PCDH15: variants seen among roughly 807,000 people sequenced by gnomAD.
The protein encoded by PCDH15 is protocadherin related 15, also known as protocadherin-15.
In PCDH15, 129 loss-of-function variants were observed where a neutral mutation model predicts 178.5. The ratio of observed to expected loss-of-function variants is 0.72; its 90% CI spans 0.63 to 0.84. The LOEUF (loss-of-function observed/expected upper bound fraction) is 0.84. Ranked by LOEUF, PCDH15 falls within the 40% of genes least tolerant of loss-of-function variation. PCDH15 has a pLI of 0.00. For synonymous variants in PCDH15, 800 were observed against 732.0 expected, an observed-to-expected ratio of 1.09 and a Z score of -1.50; for missense variants, 2,230 against 2,099.9, an observed-to-expected ratio of 1.06 and a Z score of -1.21.
chr10:54,463,182 G>A (rs185360252), intron 3 of PCDH15, among the ~76,000 whole-genome samples: 1 of 152,098 alleles, frequency 6.6e-6, no homozygotes, highest in East Asian at 1.9e-4. Flanking sequence ...ATGCCAATAG[G>A]CCAGTAAATA....
At chr10:54,116,920 G>C (rs754532917) in intron 15 of PCDH15, among the ~76,000 whole-genome samples, 4 of 152,238 alleles carry the variant, frequency 2.6e-5, no homozygotes, top group Non-Finnish European at 4.4e-5. Flanking sequence ...AAGAAGCACT[G>C]ATCTAGCATG....
chr10:54,085,553 C>T (rs567239011), intron 16 of PCDH15, among the ~76,000 whole-genome samples: 22 of 152,142 alleles, frequency 1.4e-4, no homozygotes, highest in South Asian at 1.2e-3. Flanking sequence ...AATCATATGC[C>T]ACTATCAAGA....
intron 2 of PCDH15, among the ~76,000 whole-genome samples, chr10:55,070,577 T>C (rs890291328): frequency 1.3e-5 from 2 of 152,182 alleles, no homozygotes; most frequent in African/African-American, 4.8e-5. Context: ...TTGTGAAAGA[T>C]CAGATAGTTG....
intron 8 of PCDH15, among the ~76,000 whole-genome samples, chr10:54,271,273 C>T (rs1186955484): frequency 1.3e-5 from 2 of 151,958 alleles, no homozygotes; most frequent in East Asian, 1.9e-4. Context: ...TACAATGGTG[C>T]GATCTCGGCT....
chr10:55,404,979 C>T (rs1838161845), intron 2 of PCDH15, among the ~76,000 whole-genome samples: 1 of 151,492 alleles, frequency 6.6e-6, no homozygotes, highest in South Asian at 2.1e-4. Flanking sequence ...TTACAGTTGA[C>T]CTTTAGAAAG....
chr10:54,333,077 G>T (rs1164190586), intron 6 of PCDH15, among the ~76,000 whole-genome samples: 1 of 152,066 alleles, frequency 6.6e-6, no homozygotes, highest in Non-Finnish European at 1.5e-5. Context: ...TGAGTAGATA[G>T]GACTACAGGC....
At chr10:54,954,096 T>C (rs1399352641) in intron 2 of PCDH15, among the ~76,000 whole-genome samples, 2 of 151,270 alleles carry the variant, frequency 1.3e-5, no homozygotes, top group African/African-American at 2.4e-5. Flanking sequence ...ACTGTCTTGT[T>C]AGTTTTCTGT....
In PCDH15 at chr10:55,069,252, T is replaced by G. The variant is rs1421709697; in HGVS notation, c.-80+97324A>C. 6.4e-5 allele frequency among the ~76,000 whole-genome samples: 3 copies of G among 47,186 alleles called. No individual in the cohort carries two copies. The East Asian group carries it at 8.8e-3, about 138-fold the overall frequency. The allele number at this position is 47,186 out of a possible 152,430, so 31.0% of individuals were successfully genotyped here. On this transcript the variant is annotated intron_variant, in intron 2 of 5. Coordinates refer to the PCDH15 transcript ENST00000458638. ...GATTTGGTTTGCTGGTATTTTGTTT[T>G]TTTTTTTTTTTTTCATGTTTAAAAT...
rs569811384 is a variant in PCDH15, at chr10:54,295,866, C to T, written c.876+21405G>A. ...CGGTCAGTTAAAAGTGGTTGGTGGC[C>T]GGGCGCGGTGGCTCACGCCTGTAAT... On this transcript the variant is annotated intron_variant, in intron 8 of 37. Transcript: ENST00000644397. 2.8e-4 allele frequency among the ~76,000 whole-genome samples: 43 copies of T among 151,310 alleles called. 2 individuals are homozygous for T. The highest frequency in any genetic ancestry group is 4.4e-4 in the Non-Finnish European group (30 of 67,948).
intron 2 of PCDH15, among the ~76,000 whole-genome samples, chr10:55,005,220 A>AATG (rs1839897863): frequency 7.4e-6 from 1 of 134,444 alleles, no homozygotes; most frequent in Non-Finnish European, 1.7e-5. Flanking sequence ...TAATAATAAT[A>AATG]ATAATAATCA....
At chr10:54,135,500 G>T (rs986047796) in intron 14 of PCDH15, among the ~76,000 whole-genome samples, 5 of 152,176 alleles carry the variant, frequency 3.3e-5, no homozygotes, top group Non-Finnish European at 5.9e-5. Flanking sequence ...TCCGTGTTGT[G>T]AGAACAAAAG....
intron 8 of PCDH15, among the ~76,000 whole-genome samples, chr10:54,245,317 A>G (rs1252273451): frequency 1.3e-5 from 2 of 152,164 alleles, no homozygotes; most frequent in Non-Finnish European, 2.9e-5. Flanking sequence ...AAGTGGTTTT[A>G]TCATTTTATA....
At chr10:54,964,204 T>A (rs994325779) in intron 2 of PCDH15, among the ~76,000 whole-genome samples, 2 of 152,190 alleles carry the variant, frequency 1.3e-5, no homozygotes, top group Non-Finnish European at 2.9e-5. Flanking sequence ...TTTTTCAAGT[T>A]TTAAGGCTGG....
intron 3 of PCDH15, among the ~76,000 whole-genome samples, chr10:54,507,899 A>G (rs2081306144): frequency 6.6e-6 from 1 of 152,022 alleles, no homozygotes; most frequent in East Asian, 1.9e-4. Context: ...GGATACTCAT[A>G]GCACAAATAT....
chr10:54,308,501 T>C (rs1372721321), intron 8 of PCDH15, among the ~76,000 whole-genome samples: 1 of 152,104 alleles, frequency 6.6e-6, no homozygotes, highest in Non-Finnish European at 1.5e-5. Context: ...CACTAAAAAT[T>C]TCAATGTCTT....
Position 54,378,931 on chromosome 10 carries a change from C to A in PCDH15, c.169G>T (p.Val57Leu). The A allele has an allele frequency of 6.2e-7, 1 of 1,613,688 alleles. No homozygotes were observed. Among genetic ancestry groups the A allele is most frequent in the Non-Finnish European group, 8.5e-7 (1 of 1,179,754 alleles). The change falls in exon 4 of 38, where the codon GTG (valine) becomes TTG (leucine). Residue 57 changes from valine to leucine, a missense_variant. By Grantham distance (32) the Val-to-Leu change is conservative. Coordinates refer to ENST00000644397, the MANE Select transcript of PCDH15 (RefSeq NM_001384140.1). ...GTCCCTTTGATCAGCATGTTGTCCA[C>A]CAGAATTGTACCTGCAAACCAAAGA... The part of the protein sequence containing the change: ...DEESRNGTIL[V>L]DNMLIKGTAG...
At chr10:54,394,416 CAT>C (rs1373979818) in intron 3 of PCDH15, among the ~76,000 whole-genome samples, 1 of 151,598 alleles carries the variant, frequency 6.6e-6, no homozygotes, top group African/African-American at 2.4e-5. Flanking sequence ...GGAGACATCA[CAT>C]GTCGGTACGT....
At chr10:54,161,938 T>C (rs897107075) in intron 13 of PCDH15, among the ~76,000 whole-genome samples, 1 of 152,164 alleles carries the variant, frequency 6.6e-6, no homozygotes, top group African/African-American at 2.4e-5. Context: ...CAATATTTGT[T>C]GTCTCACTGA....
At chr10:54,741,743 C>G (rs1944835948) in intron 1 of PCDH15, among the ~76,000 whole-genome samples, 1 of 151,896 alleles carries the variant, frequency 6.6e-6, no homozygotes, top group Non-Finnish European at 1.5e-5. Context: ...TCTTTAAAAC[C>G]AGCAATGGCC....
Sources: allele counts gnomAD v4.1 joint callset (sites outside exome capture counted in the v4.1 genomes callset), GRCh38; gene constraint gnomAD v4.1.1; transcripts MANE v1.5; gene names NCBI Gene and HGNC (gene_info 2026-07-23, HGNC 2026-07-21).